Variants in CHRM3 observed in about 807,000 individuals in gnomAD.
CHRM3 encodes muscarinic acetylcholine receptor M3.
Under a neutral mutation model 41.8 loss-of-function variants are expected in CHRM3, and 11 were observed. The observed-to-expected ratio is 0.26, with a 90% CI of 0.17 to 0.44. CHRM3 has a LOEUF of 0.44. Among genes scored for constraint, CHRM3 ranks in the 20% least tolerant of loss-of-function variants. CHRM3 has a pLI of 1.00. For missense variants in CHRM3, 571 were observed against 745.4 expected, an observed-to-expected ratio of 0.77 and a Z score of 2.72; for synonymous variants, 297 against 301.4, an observed-to-expected ratio of 0.99 and a Z score of 0.15.
intron 3 of CHRM3, among the ~76,000 whole-genome samples, chr1:239,562,693 G>A (rs1660981802): frequency 6.6e-6 from 1 of 151,976 alleles, no homozygotes; most frequent in South Asian, 2.1e-4. Context: ...TTCAACACCA[G>A]CCTTGTCAAC....
At chr1:239,445,697 T>C (rs1305881036) in intron 1 of CHRM3, among the ~76,000 whole-genome samples, 1 of 152,192 alleles carries the variant, frequency 6.6e-6, no homozygotes, top group African/African-American at 2.4e-5. Context: ...TAGAGCCCTG[T>C]TTCAAGAATA....
chr1:239,606,019 G>T (rs972756264), intron 3 of CHRM3: 2 of 152,120 alleles, frequency 1.3e-5, no homozygotes, highest in African/African-American at 4.8e-5. Context: ...CAGTGTACTT[G>T]ACCAGAGGAT....
At chr1:239,881,204 A>G (rs995494664) in intron 6 of CHRM3, among the ~76,000 whole-genome samples, 1 of 131,478 alleles carries the variant, frequency 7.6e-6, no homozygotes, top group South Asian at 2.6e-4. Context: ...AATGGCGTGA[A>G]CCCGGGAGGC....
At chr1:239,513,349 A>G (rs1158011221) in intron 2 of CHRM3, among the ~76,000 whole-genome samples, 1 of 151,576 alleles carries the variant, frequency 6.6e-6, no homozygotes, top group Non-Finnish European at 1.5e-5. Context: ...TGTTTATCTC[A>G]TTGTTGTTTT....
At chr1:239,424,937 T>C (rs1026860171) in intron 1 of CHRM3, among the ~76,000 whole-genome samples, 12 of 152,168 alleles carry the variant, frequency 7.9e-5, no homozygotes, top group South Asian at 2.1e-4. Flanking sequence ...AATGTTCCCA[T>C]TGGCATTTTG....
chr1:239,416,842 A>G (rs1661539562), intron 1 of CHRM3, among the ~76,000 whole-genome samples: 1 of 152,232 alleles, frequency 6.6e-6, no homozygotes, highest in African/African-American at 2.4e-5. Context: ...ATAGAAAAGG[A>G]AGATAAACTA....
intron 1 of CHRM3, among the ~76,000 whole-genome samples, chr1:239,442,854 A>C (rs1663837214): frequency 6.6e-6 from 1 of 152,166 alleles, no homozygotes; most frequent in Admixed American, 6.5e-5. Flanking sequence ...GTGTGGAGTG[A>C]ATTTCTCTGT....
intron 5 of CHRM3, among the ~76,000 whole-genome samples, chr1:239,685,026 G>C (rs1176562618): frequency 6.6e-6 from 1 of 152,146 alleles, no homozygotes; most frequent in Non-Finnish European, 1.5e-5. Flanking sequence ...ATCCTCTCTT[G>C]CTCTAGGCCC....
At chr1:239,891,417 C>T (rs1378053300) in intron 6 of CHRM3, among the ~76,000 whole-genome samples, 1 of 151,998 alleles carries the variant, frequency 6.6e-6, no homozygotes, top group Non-Finnish European at 1.5e-5. Flanking sequence ...TGACGAGGTT[C>T]ATGAGTTTGG....
At chr1:239,532,286 C>T (rs111238014) in intron 2 of CHRM3, among the ~76,000 whole-genome samples, 5,751 of 145,676 alleles carry the variant, frequency 0.039, 176 homozygotes, top group African/African-American at 0.068. Flanking sequence ...GCTGGGATTA[C>T]AGGCGTGAGC....
At chr1:239,702,256 C>T (rs773006720) in intron 5 of CHRM3, among the ~76,000 whole-genome samples, 13 of 152,134 alleles carry the variant, frequency 8.5e-5, no homozygotes, top group Non-Finnish European at 1.9e-4. Context: ...GGGTAATTAA[C>T]CTATACCCAG....
chr1:239,534,108 G>A (rs149910180), intron 2 of CHRM3, among the ~76,000 whole-genome samples: 3,665 of 152,192 alleles, frequency 0.024, 70 homozygotes, highest in Non-Finnish European at 0.037. Flanking sequence ...CAGGCAGATC[G>A]CTTGAGGTCA....
At chr1:239,511,941 A>T (rs1307498634) in intron 2 of CHRM3, among the ~76,000 whole-genome samples, 1 of 152,166 alleles carries the variant, frequency 6.6e-6, no homozygotes, top group Non-Finnish European at 1.5e-5. Flanking sequence ...TAAAAAGAGG[A>T]ATCTGGTAGG....
At chr1:239,458,438 A>G (rs1558238586) in intron 1 of CHRM3, among the ~76,000 whole-genome samples, 1 of 152,146 alleles carries the variant, frequency 6.6e-6, no homozygotes, top group East Asian at 1.9e-4. Context: ...GGTTTCAACT[A>G]AGAAATAGAG....
At chr1:239,409,789 A>C (rs977646090) in intron 1 of CHRM3, among the ~76,000 whole-genome samples, 51 of 152,242 alleles carry the variant, frequency 3.3e-4, no homozygotes, top group African/African-American at 1.2e-3. Flanking sequence ...AAAAATACAA[A>C]AAATTACCCG....
intron 5 of CHRM3, among the ~76,000 whole-genome samples, chr1:239,762,636 G>T (rs1012512225): frequency 6.6e-6 from 1 of 152,108 alleles, no homozygotes; most frequent in African/African-American, 2.4e-5. Context: ...CCAGTGGCAA[G>T]AATGAGGAAA....
chr1:239,808,998 G>T (rs1207826532), intron 5 of CHRM3, among the ~76,000 whole-genome samples: 3 of 150,610 alleles, frequency 2.0e-5, no homozygotes, highest in African/African-American at 7.3e-5. Flanking sequence ...GTCAAAGTCT[G>T]GGTCTTTGAC....
chr1:239,607,264 A>G (rs1302230736), intron 3 of CHRM3, among the ~76,000 whole-genome samples: 1 of 152,206 alleles, frequency 6.6e-6, no homozygotes, highest in Non-Finnish European at 1.5e-5. Context: ...TAGTACCTGC[A>G]TAAGATTGTT....
At chr1:239,590,691 C>T (rs1664031421) in intron 3 of CHRM3, among the ~76,000 whole-genome samples, 1 of 152,010 alleles carries the variant, frequency 6.6e-6, no homozygotes, top group Admixed American at 6.6e-5. Context: ...TTAGTTTCTC[C>T]AGGGAAGATA....
Sources: gnomAD v4.1 joint callset for allele counts (sites outside exome capture counted in the v4.1 genomes callset) on GRCh38, gnomAD v4.1.1 for gene constraint, MANE v1.5 for transcripts, NCBI Gene and HGNC (gene_info 2026-07-23, HGNC 2026-07-21) for gene names.